Variants in CPNE8 observed in about 807,000 individuals in gnomAD.
The protein encoded by CPNE8 is copine-8.
A neutral mutation model predicts 81.5 loss-of-function variants in CPNE8; 45 were observed. The ratio of observed to expected loss-of-function variants is 0.55; its 90% confidence interval spans 0.44 to 0.71. The LOEUF (loss-of-function observed/expected upper bound fraction) is 0.71, where lower values mean the gene tolerates loss of function less well. Ranked by LOEUF, CPNE8 falls within the 30% of genes least tolerant of loss-of-function variation. The pLI is 0.00. For missense variants in CPNE8, 594 were observed against 672.1 expected, an observed-to-expected ratio of 0.88 and a Z score of 1.28; for synonymous variants, 252 against 226.3, an observed-to-expected ratio of 1.11 and a Z score of -1.02.
intron 7 of CPNE8, among the ~76,000 whole-genome samples, chr12:38,772,830 T>C (rs1941831041): frequency 6.6e-6 from 1 of 152,142 alleles, no homozygotes; most frequent in Non-Finnish European, 1.5e-5. Flanking sequence ...ATGTTTATTC[T>C]AGCATTATAC....
intron 8 of CPNE8, among the ~76,000 whole-genome samples, chr12:38,763,703 A>C (rs2136857283): frequency 6.6e-6 from 1 of 152,338 alleles, no homozygotes; most frequent in Non-Finnish European, 1.5e-5. Context: ...CCTTCATGTG[A>C]ATTTATGCAG....
chr12:38,903,744 A>T (rs1341403317), intron 1 of CPNE8, among the ~76,000 whole-genome samples: 1 of 152,198 alleles, frequency 6.6e-6, no homozygotes, highest in Non-Finnish European at 1.5e-5. Flanking sequence ...CTTCCCTCTA[A>T]CATCGAAAGC....
intron 2 of CPNE8, 115 bp downstream of exon 2, chr12:38,874,356 C>A: frequency 1.4e-6 from 1 of 739,800 alleles, no homozygotes; most frequent in Non-Finnish European, 2.4e-6. Flanking sequence ...GGGCTTGGGA[C>A]CATTCTCCTG....
Position 38,829,256 on chromosome 12 carries a change from A to C in CPNE8, c.407+123T>G, listed in dbSNP as rs143713084. The stretch of plus-strand genomic sequence containing the variant: ...TATGTCAAAATTATTTGTTAAAAGA[A>C]AAAACTCAAACAAGATTTTAAAACC... On this transcript the variant is annotated intron_variant, in intron 6 of 19. Transcript: ENST00000331366. 9.4e-6 allele frequency: 6 copies of C among 640,234 alleles called. No homozygotes were observed. The South Asian group carries it at 1.4e-4, about 15-fold the overall frequency. 39.7% of individuals were successfully genotyped at this position (640,234 alleles called of 1,614,324 possible).
chr12:38,715,517 T>C (rs1203291325), intron 13 of CPNE8, among the ~76,000 whole-genome samples: 1 of 151,952 alleles, frequency 6.6e-6, no homozygotes. Flanking sequence ...ATGTGATACA[T>C]CACATAAACA....
At chr12:38,780,506 C>G (rs1942027284) in intron 6 of CPNE8, among the ~76,000 whole-genome samples, 1 of 151,892 alleles carries the variant, frequency 6.6e-6, no homozygotes, top group African/African-American at 2.4e-5. Flanking sequence ...CAGTGAATCC[C>G]AAGCAGCATA....
intron 13 of CPNE8, among the ~76,000 whole-genome samples, chr12:38,713,042 AATC>A (rs1429473652): frequency 2.0e-5 from 3 of 151,790 alleles, no homozygotes; most frequent in African/African-American, 7.3e-5. Flanking sequence ...TCTATGAAAT[AATC>A]ATTGTTATTC....
At chr12:38,790,739 C>A (rs1445026579) in intron 6 of CPNE8, among the ~76,000 whole-genome samples, 3 of 151,554 alleles carry the variant, frequency 2.0e-5, no homozygotes, top group South Asian at 2.1e-4. Flanking sequence ...TATGTACCCA[C>A]AAAAATTAAA....
intron 6 of CPNE8, among the ~76,000 whole-genome samples, chr12:38,777,994 C>T (rs1941970085): frequency 6.6e-6 from 1 of 152,092 alleles, no homozygotes; most frequent in African/African-American, 2.4e-5. Context: ...GAATCTAATG[C>T]CTGATGATCT....
rs59226121 is a variant in CPNE8 at position 38,859,186 on chromosome 12, T to TA, written c.187-10525dup. Among the ~76,000 whole-genome samples, 1,445 of 147,436 alleles carry TA rather than the reference T, an allele frequency of 9.8e-3. 19 individuals are homozygous for TA. Among genetic ancestry groups the TA allele is most frequent in the South Asian group, 0.041 (192 of 4,686 alleles). ...TTCATTTGCAAATGAACTTATAGGT[T>TA]AAAAAAAAAAATCCCAAAGACTCCA... On this transcript the variant is annotated intron_variant, in intron 3 of 19. Coordinates refer to ENST00000331366, the MANE Select transcript of CPNE8 (RefSeq NM_153634.3).
chr12:38,770,823 G>C (rs763468048), intron 7 of CPNE8, among the ~76,000 whole-genome samples: 1 of 152,104 alleles, frequency 6.6e-6, no homozygotes, highest in South Asian at 2.1e-4. Context: ...TAGCTTAAAT[G>C]TCACTTTCTC....
At chr12:38,815,592 G>A (rs769174547) in intron 6 of CPNE8, among the ~76,000 whole-genome samples, 24 of 151,898 alleles carry the variant, frequency 1.6e-4, no homozygotes, top group Admixed American at 3.9e-4. Flanking sequence ...TAATAAATTC[G>A]CTGTCACACA....
intron 16 of CPNE8, among the ~76,000 whole-genome samples, chr12:38,678,125 C>A (rs766092598): frequency 9.2e-5 from 14 of 151,792 alleles, no homozygotes; most frequent in Non-Finnish European, 1.5e-5. Context: ...GAATGGTATA[C>A]GTTTAAATGG....
chr12:38,670,606 G>A lies in CPNE8; in HGVS notation c.1506+123C>T, dbSNP rs1032417991. ...CCAGATTAAAATATATTTAGTTTTT[G>A]TTGAGACTAACAAATAGAAAAGCAT... On this transcript the variant is annotated intron_variant, in intron 19 of 19. Coordinates refer to ENST00000331366, the MANE Select transcript of CPNE8 (RefSeq NM_153634.3). The A allele has an allele frequency of 5.4e-5, 33 of 612,956 alleles. No homozygotes were observed. The African/African-American group carries it at 6.1e-4, about 11-fold the overall frequency. 38.0% of individuals were successfully genotyped at this position (612,956 alleles called of 1,614,324 possible).
intron 6 of CPNE8, among the ~76,000 whole-genome samples, chr12:38,806,019 C>T (rs1942792871): frequency 6.7e-6 from 1 of 150,236 alleles, no homozygotes; most frequent in Non-Finnish European, 1.5e-5. Flanking sequence ...TGGATAAATT[C>T]CTTGACACAT....
Position 38,794,401 on chromosome 12 carries a change from A to C in CPNE8, c.408-18100T>G, listed in dbSNP as rs530484283. 6.6e-5 allele frequency among the ~76,000 whole-genome samples: 10 copies of C among 152,270 alleles called. No individual in the cohort carries two copies. In the South Asian group the frequency reaches 1.9e-3, roughly 28 times the overall value. Reference sequence around the variant, plus strand: ...AGACATTTTCCAAAGATTATATACAAATTGCCAAATAAGTATATATCCAAT... The same window carrying C: ...AGACATTTTCCAAAGATTATATACACATTGCCAAATAAGTATATATCCAAT... On this transcript the variant is annotated intron_variant, in intron 6 of 19. Coordinates refer to ENST00000331366, the MANE Select transcript of CPNE8 (RefSeq NM_153634.3).
chr12:38,708,185 A>C (rs1349723540), intron 13 of CPNE8, among the ~76,000 whole-genome samples: 2 of 152,214 alleles, frequency 1.3e-5, no homozygotes, highest in Non-Finnish European at 2.9e-5. Context: ...ACTGATAAAA[A>C]ATTTAAAGAA....
intron 10 of CPNE8, among the ~76,000 whole-genome samples, chr12:38,759,171 T>C (rs996879534): frequency 1.6e-4 from 24 of 152,168 alleles, no homozygotes; most frequent in South Asian, 6.2e-4. Flanking sequence ...TCAGATTTGC[T>C]TCAGCCTCAA....
At chr12:38,867,489 C>T (rs1419723529) in intron 3 of CPNE8, among the ~76,000 whole-genome samples, 2 of 152,038 alleles carry the variant, frequency 1.3e-5, no homozygotes, top group East Asian at 1.9e-4. Context: ...CTGTAGTAAT[C>T]GGCATTTGAA....
Sources: gnomAD v4.1 joint callset for allele counts (sites outside exome capture counted in the v4.1 genomes callset) on GRCh38, gnomAD v4.1.1 for gene constraint, MANE v1.5 for transcripts, NCBI Gene and HGNC (gene_info 2026-07-23, HGNC 2026-07-21) for gene names.